The following ADAMTSL1 variants were observed in gnomAD, a reference collection of about 807,000 sequenced individuals.
The protein encoded by ADAMTSL1 is ADAMTS like 1, also known as ADAMTS-like protein 1.
A neutral mutation model predicts 201.8 loss-of-function variants in ADAMTSL1; 126 were observed. That is an observed-to-expected ratio of 0.62 (90% CI 0.54 to 0.72). The LOEUF (loss-of-function observed/expected upper bound fraction) is 0.72, where lower values mean the gene tolerates loss of function less well. ADAMTSL1 is among the 30% of genes least tolerant of loss of function. ADAMTSL1 has a pLI of 0.00. For missense variants in ADAMTSL1, 2,679 were observed against 2,277.8 expected (o/e 1.18, Z -3.59); for synonymous variants, 1,121 against 903.4 (o/e 1.24, Z -4.32).
chr9:18,133,430 A>G (rs1313123272), intron 1 of ADAMTSL1, among the ~76,000 whole-genome samples: 2 of 152,156 alleles, frequency 1.3e-5, no homozygotes, highest in African/African-American at 4.8e-5. Flanking sequence ...TGGGCTAAAC[A>G]TTTTCATAAA....
intron 1 of ADAMTSL1, among the ~76,000 whole-genome samples, chr9:17,916,989 C>T (rs1434497728): frequency 6.6e-6 from 1 of 152,048 alleles, no homozygotes; most frequent in African/African-American, 2.4e-5. Flanking sequence ...ATATTTTCAT[C>T]AGATTTATTA....
intron 4 of ADAMTSL1, among the ~76,000 whole-genome samples, chr9:18,583,510 A>G (rs954437777): frequency 6.6e-6 from 1 of 152,180 alleles, no homozygotes; most frequent in African/African-American, 2.4e-5. Context: ...CAGAAGGGAA[A>G]TGTGAGGTCG....
intron 2 of ADAMTSL1, among the ~76,000 whole-genome samples, chr9:18,251,782 G>A (rs570967883): frequency 5.3e-5 from 8 of 152,240 alleles, no homozygotes; most frequent in Admixed American, 1.3e-4. Flanking sequence ...AAAGATATTG[G>A]TGCAACACAG....
chr9:18,396,242 T>C (rs1563932877), intron 2 of ADAMTSL1, among the ~76,000 whole-genome samples: 2 of 152,086 alleles, frequency 1.3e-5, no homozygotes, highest in African/African-American at 4.8e-5. Context: ...CTGTGGAGAT[T>C]TAGCTCAATA....
In ADAMTSL1 at chr9:18,243,041, T is replaced by A. The variant is rs1831128815; in HGVS notation, c.207+79060T>A. Among the ~76,000 whole-genome samples, 3 of 152,260 alleles carry A rather than the reference T, an allele frequency of 2.0e-5. No homozygotes were observed. The South Asian group carries it at 6.2e-4, about 32-fold the overall frequency. On this transcript the variant is annotated intron_variant, in intron 2 of 29. Transcript: ENST00000680146. ...AGACCCTGAATAGCCAAAATGTTTCTGAGAGAAAAATTAAGACATTACACT... is the reference window on the plus strand; with the variant it reads ...AGACCCTGAATAGCCAAAATGTTTCAGAGAGAAAAATTAAGACATTACACT...
At position 18,910,254 on chromosome 9, in the gene ADAMTSL1, A is replaced by G. The variant is rs377483232; in HGVS notation, c.*1706A>G. 6.6e-6 allele frequency: 1 copy of G among 152,226 alleles called. No homozygotes were observed. The highest frequency in any genetic ancestry group is 1.5e-5 in the Non-Finnish European group (1 of 68,056). 9.4% of individuals were successfully genotyped at this position (152,226 alleles called of 1,614,324 possible). A position where few individuals can be genotyped will look rare whatever the true frequency, so the allele number is the denominator to read the frequency against. On this transcript the variant is annotated 3_prime_UTR_variant, in exon 29 of 29. Coordinates refer to ENST00000380548, the MANE Select transcript of ADAMTSL1 (RefSeq NM_001040272.6). ...CTCTAAGAAATCATGTTACTAAAAAATCAGTGTAAAGTCTGTTTAAAATAA... is the reference window on the plus strand; with the variant it reads ...CTCTAAGAAATCATGTTACTAAAAAGTCAGTGTAAAGTCTGTTTAAAATAA...
chr9:17,993,257 G>C (rs891396566), intron 1 of ADAMTSL1, among the ~76,000 whole-genome samples: 1 of 152,066 alleles, frequency 6.6e-6, no homozygotes, highest in Non-Finnish European at 1.5e-5. Context: ...TATGAAGTTA[G>C]GGGAAAGTGT....
At chr9:18,291,860 G>A (rs1291723343) in intron 2 of ADAMTSL1, among the ~76,000 whole-genome samples, 1 of 151,874 alleles carries the variant, frequency 6.6e-6, no homozygotes, top group Admixed American at 6.6e-5. Context: ...GAATGCCGTT[G>A]CCTGTCTGGT....
chr9:17,913,063 T>C (rs1167106780), intron 1 of ADAMTSL1, among the ~76,000 whole-genome samples: 7 of 152,322 alleles, frequency 4.6e-5, no homozygotes, highest in South Asian at 2.1e-4. Context: ...ATATCTCTGT[T>C]TTGGTACCAG....
At chr9:18,782,508 C>T (rs1821453989) in intron 19 of ADAMTSL1, among the ~76,000 whole-genome samples, 2 of 152,126 alleles carry the variant, frequency 1.3e-5, no homozygotes. Context: ...TGTTGATTGC[C>T]TTTCCGCAAG....
At chr9:18,217,212 A>G (rs1830086627) in intron 2 of ADAMTSL1, among the ~76,000 whole-genome samples, 2 of 152,162 alleles carry the variant, frequency 1.3e-5, no homozygotes, top group Non-Finnish European at 2.9e-5. Flanking sequence ...CACAGAAATG[A>G]CAGCTAATAA....
chr9:18,676,904 C>T (rs571192044), intron 10 of ADAMTSL1, among the ~76,000 whole-genome samples: 3 of 152,200 alleles, frequency 2.0e-5, no homozygotes, highest in South Asian at 4.1e-4. Flanking sequence ...TTGACGTCAT[C>T]TAGTGCAACT....
intron 1 of ADAMTSL1, among the ~76,000 whole-genome samples, chr9:18,048,930 G>C (rs1821794503): frequency 6.6e-6 from 1 of 152,138 alleles, no homozygotes; most frequent in African/African-American, 2.4e-5. Context: ...CCAAGATCAA[G>C]GTATCAGCAG....
At chr9:18,139,359 AT>A (rs1826296758) in intron 1 of ADAMTSL1, among the ~76,000 whole-genome samples, 1 of 152,160 alleles carries the variant, frequency 6.6e-6, no homozygotes, top group South Asian at 2.1e-4. Flanking sequence ...AACCGATGAC[AT>A]TACTTGTCAG....
At chr9:18,562,864 A>G (rs999490961) in intron 3 of ADAMTSL1, among the ~76,000 whole-genome samples, 1 of 152,194 alleles carries the variant, frequency 6.6e-6, no homozygotes, top group African/African-American at 2.4e-5. Flanking sequence ...TATCAGCACC[A>G]TCAGGTCATT....
At chr9:18,750,223 G>A (rs1819388771) in intron 15 of ADAMTSL1, among the ~76,000 whole-genome samples, 2 of 152,042 alleles carry the variant, frequency 1.3e-5, no homozygotes, top group African/African-American at 4.8e-5. Flanking sequence ...TTCATAAAAT[G>A]GACCCAGATC....
At chr9:18,481,342 C>T (rs1236454881) in intron 1 of ADAMTSL1, among the ~76,000 whole-genome samples, 2 of 152,054 alleles carry the variant, frequency 1.3e-5, no homozygotes, top group South Asian at 2.1e-4. Context: ...GTCAGGAGTT[C>T]GAGACCAGCC....
At chr9:18,715,007 A>G (rs1832836611) in intron 14 of ADAMTSL1, among the ~76,000 whole-genome samples, 2 of 83,112 alleles carry the variant, frequency 2.4e-5, no homozygotes, top group East Asian at 3.6e-4. Context: ...CAACATGATT[A>G]TCTCAATAGA....
At chr9:17,931,547 G>T (rs868232396) in intron 1 of ADAMTSL1, among the ~76,000 whole-genome samples, 76 of 152,250 alleles carry the variant, frequency 5.0e-4, no homozygotes, top group South Asian at 1.9e-3. Context: ...AAGTTAGTTT[G>T]CAAATTGGTT....
Sources: allele counts gnomAD v4.1 joint callset (sites outside exome capture counted in the v4.1 genomes callset), GRCh38; gene constraint gnomAD v4.1.1; transcripts MANE v1.5; gene names NCBI Gene and HGNC (gene_info 2026-07-23, HGNC 2026-07-21).